FOXK2: variants seen among roughly 807,000 people sequenced by gnomAD.
FOXK2 encodes forkhead box protein K2.
A neutral mutation model predicts 53.3 loss-of-function variants in FOXK2; 24 were observed. The ratio of observed to expected loss-of-function variants is 0.45; its 90% CI spans 0.33 to 0.63. The LOEUF is 0.63. FOXK2 is among the 30% of genes least tolerant of loss of function. The pLI is 0.03. For missense variants in FOXK2, 952 were observed against 910.5 expected, an observed-to-expected ratio of 1.05 and a Z score of -0.59; for synonymous variants, 505 against 407.1, an observed-to-expected ratio of 1.24 and a Z score of -2.89.
intron 4 of FOXK2, among the ~76,000 whole-genome samples, chr17:82,573,552 TCTCTCTCTCTCACACACACACACACA>T (rs996155577): frequency 2.8e-5 from 3 of 107,346 alleles, no homozygotes; most frequent in Non-Finnish European, 6.0e-5. Flanking sequence ...TCTCTCTCTC[TCTCTCTCTCTCACACACACACACACA>T]CACACACACA....
intron 1 of FOXK2, among the ~76,000 whole-genome samples, chr17:82,521,387 T>C (rs1266475520): frequency 2.0e-5 from 3 of 149,680 alleles, no homozygotes; most frequent in Non-Finnish European, 4.5e-5. Context: ...TTGGCCAGGC[T>C]GGTATTGAAC....
chr17:82,520,478 C>T lies in FOXK2; in HGVS notation c.419+171C>T, dbSNP rs1421226772. On this transcript the variant is annotated intron_variant, in intron 1 of 8. Transcript: ENST00000335255. Reference sequence around the variant, plus strand: ...CGGCTGGATCCCAACCCTCGACAGCCCCTGGCCCCGACCCCCGTCCTCCCG... The same window carrying T: ...CGGCTGGATCCCAACCCTCGACAGCTCCTGGCCCCGACCCCCGTCCTCCCG... Among the ~76,000 whole-genome samples, 8 of 152,258 alleles carry T rather than the reference C, an allele frequency of 5.3e-5. 1 individual carries two copies. The South Asian group carries it at 1.0e-3, about 20-fold the overall frequency.
chr17:82,566,847 CTT>C (rs1196053765), intron 2 of FOXK2, among the ~76,000 whole-genome samples: 1 of 152,238 alleles, frequency 6.6e-6, no homozygotes, highest in Non-Finnish European at 1.5e-5. Context: ...AGCAACCTGA[CTT>C]TCCAAACCTG....
chr17:82,544,515 T>A (rs1439935467), intron 1 of FOXK2, among the ~76,000 whole-genome samples: 2 of 152,200 alleles, frequency 1.3e-5, no homozygotes, highest in Non-Finnish European at 2.9e-5. Flanking sequence ...ACAGCGTGTG[T>A]ACTGGGTATG....
chr17:82,529,936 T>C (rs2044457125), intron 1 of FOXK2, among the ~76,000 whole-genome samples: 1 of 152,244 alleles, frequency 6.6e-6, no homozygotes, highest in South Asian at 2.1e-4. Context: ...GAACTAGGAA[T>C]ACCTTAGTTA....
chr17:82,542,374 A>G (rs1458532440), intron 1 of FOXK2, among the ~76,000 whole-genome samples: 1 of 152,092 alleles, frequency 6.6e-6, no homozygotes, highest in Non-Finnish European at 1.5e-5. Context: ...CATGTTGGCC[A>G]GGCTGGTCTC....
chr17:82,571,418 T>C (rs1486409924), intron 3 of FOXK2, among the ~76,000 whole-genome samples: 1 of 152,040 alleles, frequency 6.6e-6, no homozygotes, highest in Non-Finnish European at 1.5e-5. Context: ...CTGGCCAACA[T>C]GGTGAAACCC....
At chr17:82,574,787 G>A (rs2143054499) in intron 4 of FOXK2, among the ~76,000 whole-genome samples, 1 of 152,290 alleles carries the variant, frequency 6.6e-6, no homozygotes, top group East Asian at 1.9e-4. Flanking sequence ...CAGGTGTTTT[G>A]TATTGTCTAC....
At chr17:82,562,046 A>G (rs558489369) in intron 1 of FOXK2, among the ~76,000 whole-genome samples, 39 of 152,208 alleles carry the variant, frequency 2.6e-4, no homozygotes, top group African/African-American at 9.1e-4. Flanking sequence ...CTGTTGTTGA[A>G]CTGGGTTCGT....
In FOXK2 at chr17:82,587,184, T is replaced by G; in HGVS notation, c.1698T>G (p.Gly566=). The G allele has an allele frequency of 6.2e-7, 1 of 1,612,974 alleles. No homozygotes were observed. The highest frequency in any genetic ancestry group is 8.5e-7 in the Non-Finnish European group (1 of 1,179,998). Residue 566 remains glycine (G), a synonymous_variant, in exon 8 of 9, where the codon GGT becomes GGG. Coordinates refer to ENST00000335255, the MANE Select transcript of FOXK2 (RefSeq NM_004514.4). ...CCATAGTACAACAGGCACCTCTAGG[T>G]CAACACCAGCTACCAATAAAAACTG... is the stretch of plus-strand genomic sequence containing the variant. ...TVTIVQQAPL[G]QHQLPIKTVT...
rs1013247350 is a variant in FOXK2 at position 82,585,946 on chromosome 17, G to C, written c.1322G>C (p.Arg441Pro). 6.2e-7 allele frequency: 1 copy of C among 1,612,644 alleles called. No individual in the cohort carries two copies. ...SSQPVLITVQ[R>P]QLPQAIKPVT... ...CAGCCAGTCTTAATCACCGTCCAGC[G>C]GCAGCTACCACAGGCCATCAAGCCT... Residue 441 changes from arginine (R) to proline (P), a missense_variant, in exon 7 of 9, where the codon CGG becomes CCG. This residue lies in a region of FOXK2 where 551 missense variants were observed against 385.1 expected (regional missense o/e 1.43). Transcript: ENST00000335255.
At chr17:82,574,458 C>G (rs2044959495) in intron 4 of FOXK2, among the ~76,000 whole-genome samples, 2 of 152,038 alleles carry the variant, frequency 1.3e-5, no homozygotes, top group Admixed American at 1.3e-4. Flanking sequence ...GTAGCTGGGA[C>G]TACAGGCTTG....
chr17:82,530,115 G>A (rs1388726291), intron 1 of FOXK2, among the ~76,000 whole-genome samples: 1 of 151,666 alleles, frequency 6.6e-6, no homozygotes, highest in African/African-American at 2.4e-5. Flanking sequence ...TCAAGGTGCT[G>A]TTTTTAATGG....
chr17:82,520,313 T>C lies in FOXK2; in HGVS notation c.419+6T>C. Reference sequence around the variant, plus strand: ...CCGCTGCAGCTGCCGCGCGTGTGAGTGGCCTCGGGGCGGGGCGGGCGGGGT... The same window carrying C: ...CCGCTGCAGCTGCCGCGCGTGTGAGCGGCCTCGGGGCGGGGCGGGCGGGGT... On this transcript the variant is annotated splice_donor_region_variant and intron_variant, in intron 1 of 8. Coordinates refer to ENST00000335255, the MANE Select transcript of FOXK2 (RefSeq NM_004514.4). 1 of 637,632 alleles carries C rather than the reference T, an allele frequency of 1.6e-6. No individual in the cohort carries two copies. Among genetic ancestry groups the C allele is most frequent in the South Asian group, 6.2e-5 (1 of 16,204 alleles). 39.5% of individuals were successfully genotyped at this position (637,632 alleles called of 1,614,324 possible). A position where few individuals can be genotyped will look rare whatever the true frequency, so the allele number is the denominator to read the frequency against.
intron 2 of FOXK2, among the ~76,000 whole-genome samples, chr17:82,565,353 A>G (rs1390029940): frequency 2.0e-5 from 3 of 152,328 alleles, no homozygotes; most frequent in Admixed American, 6.5e-5. Flanking sequence ...TTCTGCATCA[A>G]AAGACAACAT....
chr17:82,528,747 A>C (rs931188695), intron 1 of FOXK2, among the ~76,000 whole-genome samples: 1 of 152,214 alleles, frequency 6.6e-6, no homozygotes, highest in Non-Finnish European at 1.5e-5. Flanking sequence ...TGGGCTTCAA[A>C]CGCCTCTGCT....
chr17:82,553,581 C>T (rs895962710), intron 1 of FOXK2, among the ~76,000 whole-genome samples: 19 of 152,184 alleles, frequency 1.2e-4, no homozygotes, highest in Admixed American at 6.5e-4. Context: ...ACATGGTTTT[C>T]GGGGACTTTG....
intron 1 of FOXK2, among the ~76,000 whole-genome samples, chr17:82,546,712 C>T (rs2044629052): frequency 6.6e-6 from 1 of 152,016 alleles, no homozygotes; most frequent in Non-Finnish European, 1.5e-5. Flanking sequence ...AAGTGTTCCT[C>T]CCACCTCAGA....
intron 1 of FOXK2, among the ~76,000 whole-genome samples, chr17:82,547,133 G>A (rs1449484901): frequency 6.6e-6 from 1 of 151,314 alleles, no homozygotes. Context: ...CTCTCTTATA[G>A]TGTATACTGT....
Sources: gnomAD v4.1 joint callset for allele counts (sites outside exome capture counted in the v4.1 genomes callset) on GRCh38, gnomAD v4.1.1 for gene constraint, gnomAD v4.1.1 regional missense constraint, MANE v1.5 for transcripts, NCBI Gene and HGNC (gene_info 2026-07-23, HGNC 2026-07-21) for gene names.